Variants in PLEKHM2 observed in about 807,000 individuals in gnomAD.
The protein encoded by PLEKHM2 is pleckstrin homology domain-containing family M member 2.
PLEKHM2 carries 77 observed loss-of-function variants against 116.3 expected under a neutral mutation model. The observed-to-expected ratio is 0.66, with a 90% CI of 0.55 to 0.80. The LOEUF (loss-of-function observed/expected upper bound fraction) is 0.80, where lower values mean the gene tolerates loss of function less well. Among genes scored for constraint, PLEKHM2 ranks in the 30% least tolerant of loss-of-function variants. The probability of loss-of-function intolerance (pLI) is 0.00; values close to 1 mark genes in which losing one functional copy is unlikely to be tolerated. For missense variants in PLEKHM2, 1,183 were observed against 1,354.9 expected (o/e 0.87, Z 1.99); for synonymous variants, 562 against 571.0 (o/e 0.98, Z 0.22).
Position 15,728,375 on chromosome 1 carries a change from GCA to G in PLEKHM2, c.1921+19_1921+20del. ...CCGGAAAGGTGCCCGCCGCCCCCGG[GCA>G]GACAGCGGGTTGTAGACGAGGCTGA... On this transcript the variant is annotated intron_variant, in intron 11 of 19. Transcript: ENST00000375799. This position sits in a 1 kb window ranked among gnomAD's most constrained non-coding sequence, Gnocchi z 5.9. 1 of 1,604,524 alleles carries G rather than the reference GCA, an allele frequency of 6.2e-7. No individual in the cohort carries two copies. Among genetic ancestry groups the G allele is most frequent in the Non-Finnish European group, 8.5e-7 (1 of 1,173,714 alleles).
chr1:15,702,992 A>G (rs1480679835), intron 1 of PLEKHM2, among the ~76,000 whole-genome samples: 1 of 152,018 alleles, frequency 6.6e-6, no homozygotes, highest in Non-Finnish European at 1.5e-5. Context: ...AGCCTCCCAA[A>G]GTGCTGGAAT....
chr1:15,682,041 C>T (rs1343440018), upstream of PLEKHM2, among the ~76,000 whole-genome samples: 1 of 151,766 alleles, frequency 6.6e-6, no homozygotes, highest in Non-Finnish European at 1.5e-5. Flanking sequence ...CCTGTCTCTA[C>T]AAAAAATAAA....
intron 1 of PLEKHM2, among the ~76,000 whole-genome samples, chr1:15,688,376 G>A (rs976844615): frequency 6.6e-6 from 1 of 152,152 alleles, no homozygotes; most frequent in Non-Finnish European, 1.5e-5. Context: ...AATAGGCCAG[G>A]CATGGTGGCT....
At chr1:15,691,173 G>T (rs559837848) in intron 1 of PLEKHM2, among the ~76,000 whole-genome samples, 3 of 152,130 alleles carry the variant, frequency 2.0e-5, no homozygotes, top group African/African-American at 7.2e-5. Flanking sequence ...GGGATCAAGC[G>T]ATTCTCCCGC....
chr1:15,697,834 C>T (rs1046704653), intron 1 of PLEKHM2, among the ~76,000 whole-genome samples: 5 of 151,630 alleles, frequency 3.3e-5, no homozygotes, highest in South Asian at 2.1e-4. Context: ...GACAGGGTCT[C>T]GCCATGTTGC....
intron 1 of PLEKHM2, among the ~76,000 whole-genome samples, chr1:15,686,131 A>C (rs1477897066): frequency 6.6e-6 from 1 of 152,240 alleles, no homozygotes; most frequent in Admixed American, 6.5e-5. Context: ...TTGAAGGCAG[A>C]GATTCACTTT....
chr1:15,734,268 CATCT>C lies in PLEKHM2; in HGVS notation c.*336_*339del. The C allele has an allele frequency of 7.2e-6, 2 of 277,306 alleles. No individual in the cohort carries two copies. The highest frequency in any genetic ancestry group is 1.4e-5 in the Non-Finnish European group (2 of 147,840). The allele number at this position is 277,306 out of a possible 1,614,324, so 17.2% of individuals were successfully genotyped here. On this transcript the variant is annotated 3_prime_UTR_variant, in exon 20 of 20. Transcript: ENST00000375799. Reference sequence around the variant, plus strand: ...GCCGAGTGGCACCGAGAACACCATCCATCTAAGGACGAACAAAAGAACCAGGAGG... The same window carrying C: ...GCCGAGTGGCACCGAGAACACCATCCAAGGACGAACAAAAGAACCAGGAGG...
rs779490134 is a variant in PLEKHM2, at chr1:15,728,262, C to T, written c.1831-5C>T. 3 of 1,613,240 alleles carry T rather than the reference C, an allele frequency of 1.9e-6. No individual in the cohort carries two copies. Among genetic ancestry groups the T allele is most frequent in the South Asian group, 2.2e-5 (2 of 91,058 alleles). On this transcript the variant is annotated splice_region_variant and splice_polypyrimidine_tract_variant and intron_variant, in intron 10 of 19. Transcript: ENST00000375799. This position sits in a 1 kb window ranked among gnomAD's most constrained non-coding sequence, Gnocchi z 5.9. ...TGCCTGACCCTTGTCTGCTTCGGCCCCCAGATGATCCGGATGAGCACCGGG... is the reference window on the plus strand; with the variant it reads ...TGCCTGACCCTTGTCTGCTTCGGCCTCCAGATGATCCGGATGAGCACCGGG...
Position 15,703,626 on chromosome 1 carries a change from C to T in PLEKHM2, c.61-12611C>T, listed in dbSNP as rs1023126805. On this transcript the variant is annotated intron_variant, in intron 1 of 19. Transcript: ENST00000375799. ...TCTGGAAGGATTTCTTCGTATCAAC[C>T]ATAGTACTAGAAATTGTTTTGTGGG... 2.0e-5 allele frequency among the ~76,000 whole-genome samples: 3 copies of T among 152,288 alleles called. No individual in the cohort carries two copies. In the East Asian group the frequency reaches 5.8e-4, roughly 29 times the overall value.
intron 8 of PLEKHM2, among the ~76,000 whole-genome samples, chr1:15,726,368 G>A (rs1277522120): frequency 6.6e-6 from 1 of 152,220 alleles, no homozygotes; most frequent in East Asian, 1.9e-4. Flanking sequence ...TGACTAAGAG[G>A]AGAAGCCCTG....
chr1:15,691,109 G>C (rs1002177317), intron 1 of PLEKHM2, among the ~76,000 whole-genome samples: 3 of 152,104 alleles, frequency 2.0e-5, no homozygotes, highest in Admixed American at 6.6e-5. Flanking sequence ...TCACTCTGTG[G>C]CCCAGGCTGG....
At chr1:15,705,788 C>T (rs1402710627) in intron 1 of PLEKHM2, among the ~76,000 whole-genome samples, 1 of 152,108 alleles carries the variant, frequency 6.6e-6, no homozygotes, top group Non-Finnish European at 1.5e-5. Flanking sequence ...TCTGTCTACT[C>T]ACCATACAGA....
chr1:15,714,965 AT>A (rs1641413965), intron 1 of PLEKHM2, among the ~76,000 whole-genome samples: 2 of 152,344 alleles, frequency 1.3e-5, no homozygotes, highest in South Asian at 4.1e-4. Flanking sequence ...CAGTAGGCTG[AT>A]GGAGCTGCCC....
At chr1:15,725,834 C>T (rs1571064110) in intron 8 of PLEKHM2, 1 of 460,252 alleles carries the variant, frequency 2.2e-6, no homozygotes, top group Non-Finnish European at 4.0e-6. Flanking sequence ...CCGGTGTGGC[C>T]AGCCTCTGAT....
intron 1 of PLEKHM2, among the ~76,000 whole-genome samples, chr1:15,704,392 A>T (rs1214192106): frequency 1.3e-5 from 2 of 151,740 alleles, no homozygotes; most frequent in Non-Finnish European, 2.9e-5. Context: ...AATAGGCAGA[A>T]TGGCATACCG....
intron 17 of PLEKHM2, 113 bp from the exon 18 acceptor site, chr1:15,732,237 A>AGG (rs2068154981): frequency 1.9e-6 from 2 of 1,028,534 alleles, no homozygotes; most frequent in South Asian, 3.2e-5. Context: ...CGATCCCTGG[A>AGG]GGGAGATCCC....
Position 15,693,612 on chromosome 1 carries a change from G to C in PLEKHM2, c.60+8994G>C, listed in dbSNP as rs537687447. Among the ~76,000 whole-genome samples, 3 of 152,338 alleles carry C rather than the reference G, an allele frequency of 2.0e-5. No homozygotes were observed. In the East Asian group the frequency reaches 5.8e-4, roughly 29 times the overall value. On this transcript the variant is annotated intron_variant, in intron 1 of 19. Transcript: ENST00000375799. ...ACAGGCTGTTCAGACGGGGCTGACT[G>C]TCTGTGGTCATTCTGCCATTATGGC...
At position 15,684,582 on chromosome 1, in the gene PLEKHM2, C is replaced by A; in HGVS notation, c.24C>A (p.Asp8Glu). The A allele has an allele frequency of 7.6e-7, 1 of 1,311,904 alleles. No individual in the cohort carries two copies. Among genetic ancestry groups the A allele is most frequent in the Non-Finnish European group, 9.8e-7 (1 of 1,016,866 alleles). The allele number at this position is 1,311,904 out of a possible 1,614,324, so 81.3% of individuals were successfully genotyped here. Residue 8 changes from aspartate to glutamate, a missense_variant, in exon 1 of 20, where the codon GAC becomes GAA. This residue lies in a region of PLEKHM2 where 217 missense variants were observed against 277.6 expected (regional missense o/e 0.78). Transcript: ENST00000375799. MEPGEVK[D>E]RILENISLSV... The stretch of plus-strand genomic sequence containing the variant: ...CCATGGAGCCGGGGGAGGTGAAGGA[C>A]CGGATCCTGGAGAACATCTCGCTGT...
At chr1:15,720,152 A>AAT (rs2067974905) in intron 6 of PLEKHM2, among the ~76,000 whole-genome samples, 1 of 146,780 alleles carries the variant, frequency 6.8e-6, no homozygotes, top group African/African-American at 2.6e-5. Context: ...ATATATATAA[A>AAT]ATATATATTT....
Sources: gnomAD v4.1 joint callset for allele counts (sites outside exome capture counted in the v4.1 genomes callset) on GRCh38, gnomAD v4.1.1 for gene constraint, gnomAD v4.1.1 regional missense constraint, Gnocchi (gnomAD v3.1) non-coding constraint, MANE v1.5 for transcripts, NCBI Gene and HGNC (gene_info 2026-07-23, HGNC 2026-07-21) for gene names.